The following B3GNT5 variants were observed in gnomAD, a reference collection of about 807,000 sequenced individuals.
B3GNT5 encodes the protein UDP-GlcNAc:betaGal beta-1,3-N-acetylglucosaminyltransferase 5.
A neutral mutation model predicts 25.9 loss-of-function variants in B3GNT5; 11 were observed. The observed-to-expected ratio is 0.42, with a 90% confidence interval of 0.27 to 0.70. B3GNT5 has a LOEUF of 0.70. Among genes scored for constraint, B3GNT5 ranks in the 30% least tolerant of loss-of-function variants. The probability of loss-of-function intolerance (pLI) is 0.23; values close to 1 mark genes in which losing one functional copy is unlikely to be tolerated. For missense variants in B3GNT5, 385 were observed against 458.4 expected (o/e 0.84, Z 1.46); for synonymous variants, 166 against 158.6 (o/e 1.05, Z -0.35).
intron 1 of B3GNT5, among the ~76,000 whole-genome samples, chr3:183,268,163 G>C (rs6795339): frequency 0.026 from 3,927 of 152,322 alleles, 176 homozygotes; most frequent in African/African-American, 0.087. Flanking sequence ...AAAGACCAGG[G>C]CATATGAAAT....
chr3:183,259,840 CAAG>C (rs781019956), intron 1 of B3GNT5, among the ~76,000 whole-genome samples: 25 of 152,070 alleles, frequency 1.6e-4, no homozygotes, highest in East Asian at 1.4e-3. Flanking sequence ...CTAGTGAGAC[CAAG>C]AAGAAGAAGG....
At chr3:183,263,755 T>G (rs1035511452) in intron 1 of B3GNT5, among the ~76,000 whole-genome samples, 3 of 152,168 alleles carry the variant, frequency 2.0e-5, no homozygotes, top group African/African-American at 7.2e-5. Context: ...AATCAAATAC[T>G]CCTTCACTCC....
In B3GNT5 at chr3:183,270,815, TA is replaced by T; in HGVS notation, c.1020del (p.Val341Ter). On this transcript the variant is annotated frameshift_variant, in exon 2 of 2. Coordinates refer to ENST00000326505, the MANE Select transcript of B3GNT5 (RefSeq NM_032047.5). LOFTEE classifies it low-confidence loss of function (END_TRUNC). This position sits in a 1 kb window ranked among gnomAD's most constrained non-coding sequence, Gnocchi z 4.5. The part of the protein sequence containing the change: ...QDLWKNATDP[K>X]VKTISKGFFG... ...ACCTTTGGAAGAATGCTACAGATCC[TA>T]AAGTAAAAACCATTTCCAAAGGTTT... 6.2e-7 allele frequency: 1 copy of T among 1,613,950 alleles called. No individual in the cohort carries two copies. The highest frequency in any genetic ancestry group is 1.3e-5 in the African/African-American group (1 of 75,042).
At chr3:183,265,518 T>G (rs1314741529) in intron 1 of B3GNT5, 2 of 152,290 alleles carry the variant, frequency 1.3e-5, no homozygotes, top group Non-Finnish European at 2.9e-5. Flanking sequence ...TGAGCGCCAG[T>G]TGTATGTGCG....
intron 1 of B3GNT5, chr3:183,265,608 G>A (rs1726030972): frequency 6.6e-6 from 1 of 152,268 alleles, no homozygotes; most frequent in Admixed American, 6.5e-5. Context: ...CGCAGGCCGG[G>A]GGAGGGCAGT....
intron 1 of B3GNT5, among the ~76,000 whole-genome samples, chr3:183,255,444 G>C (rs923299497): frequency 6.6e-6 from 1 of 152,180 alleles, no homozygotes; most frequent in Non-Finnish European, 1.5e-5. Flanking sequence ...TACTTAACCT[G>C]CTTGTCCTTC....
chr3:183,257,970 T>TC (rs1725207906), intron 1 of B3GNT5, among the ~76,000 whole-genome samples: 1 of 137,250 alleles, frequency 7.3e-6, no homozygotes, highest in Non-Finnish European at 1.6e-5. Context: ...TTTTTTTTTT[T>TC]TTTTTTTTTT....
chr3:183,259,697 C>T (rs1200201539), intron 1 of B3GNT5, among the ~76,000 whole-genome samples: 2 of 152,060 alleles, frequency 1.3e-5, no homozygotes, highest in Non-Finnish European at 2.9e-5. Context: ...TCCTTCCTTC[C>T]ACCCCACCTC....
At position 183,267,142 on chromosome 3, in the gene B3GNT5, C is replaced by A. The variant is rs1381709819; in HGVS notation, c.-301-2356C>A. On this transcript the variant is annotated intron_variant, in intron 1 of 1. Transcript: ENST00000326505. The surrounding 1 kb of genome is among the most constrained non-coding windows in gnomAD (Gnocchi z 5.5). ...ACATTTCCCATTACACCCCTGAACACACACACACAGAAAACCCAAAAGTTT... is the reference window on the plus strand; with the variant it reads ...ACATTTCCCATTACACCCCTGAACAAACACACACAGAAAACCCAAAAGTTT... Among the ~76,000 whole-genome samples, 1 of 152,152 alleles carries A rather than the reference C, an allele frequency of 6.6e-6. No individual in the cohort carries two copies. Among genetic ancestry groups the A allele is most frequent in the African/African-American group, 2.4e-5 (1 of 41,430 alleles).
intron 1 of B3GNT5, among the ~76,000 whole-genome samples, chr3:183,261,553 A>G (rs1276869062): frequency 2.0e-5 from 3 of 152,206 alleles, no homozygotes; most frequent in Non-Finnish European, 2.9e-5. Context: ...TATATAGTCT[A>G]CTTTCTAAGC....
In B3GNT5 at chr3:183,270,941, C is replaced by T. The variant is rs753690544; in HGVS notation, c.*6C>T. The T allele has an allele frequency of 3.9e-6, 6 of 1,548,292 alleles. No individual in the cohort carries two copies. In the Admixed American group the frequency reaches 8.4e-5, roughly 22 times the overall value. On this transcript the variant is annotated 3_prime_UTR_variant, in exon 2 of 2. Transcript: ENST00000326505. This position sits in a 1 kb window ranked among gnomAD's most constrained non-coding sequence, Gnocchi z 4.5. ...GTAGGGCTGCGTTTATCTAATAGTA[C>T]TTGAATGTTGTATGTTTTCACTGTC...
In B3GNT5 at chr3:183,270,513, G is replaced by A. The variant is rs772844252; in HGVS notation, c.715G>A (p.Val239Met). Residue 239 changes from valine (V) to methionine (M), a missense_variant, in exon 2 of 2, where the codon GTG (valine) becomes ATG (methionine). By Grantham distance (21) the Val-to-Met change is conservative. Transcript: ENST00000326505. This position sits in a 1 kb window ranked among gnomAD's most constrained non-coding sequence, Gnocchi z 4.5. The stretch of plus-strand genomic sequence containing the variant: ...TAGAGATAAAAGCAGCAAATACTAC[G>A]TGTCCTATGAAATGTACCAGTGGCC... ...PIRDKSSKYY[V>M]SYEMYQWPAY... 53 of 1,613,994 alleles carry A rather than the reference G, an allele frequency of 3.3e-5. No individual in the cohort carries two copies. Among genetic ancestry groups the A allele is most frequent in the East Asian group, 6.7e-5 (3 of 44,894 alleles).
In B3GNT5 at chr3:183,269,811, G is replaced by C. The variant is rs201783658; in HGVS notation, c.13G>C (p.Val5Leu). Residue 5 changes from valine (V) to leucine (L), a missense_variant, in exon 2 of 2, where the codon GTT (valine) becomes CTT (leucine). By Grantham distance (32) the Val-to-Leu change is conservative. Coordinates refer to ENST00000326505, the MANE Select transcript of B3GNT5 (RefSeq NM_032047.5). Reference protein sequence around the residue: MRMLVSGRRVKKWQL... With the variant: MRMLLSGRRVKKWQL... ...GACTTGAGTGGATATGAGAATGTTGGTTAGTGGCAGAAGAGTCAAAAAATG... is the reference window on the plus strand; with the variant it reads ...GACTTGAGTGGATATGAGAATGTTGCTTAGTGGCAGAAGAGTCAAAAAATG... 4.5e-5 allele frequency: 73 copies of C among 1,605,794 alleles called. No homozygotes were observed. The highest frequency in any genetic ancestry group is 2.0e-4 in the Admixed American group (12 of 59,266).
intron 1 of B3GNT5, among the ~76,000 whole-genome samples, chr3:183,257,110 C>G (rs1725112211): frequency 6.6e-6 from 1 of 152,126 alleles, no homozygotes; most frequent in South Asian, 2.1e-4. Context: ...TAAAGCTACA[C>G]AAACAGATTC....
intron 1 of B3GNT5, among the ~76,000 whole-genome samples, chr3:183,266,745 G>C (rs186754787): frequency 6.6e-6 from 1 of 152,192 alleles, no homozygotes; most frequent in Admixed American, 6.5e-5. Context: ...TGTCCAAAGG[G>C]GGAAATTACT....
Position 183,273,032 on chromosome 3 carries a change from C to T in B3GNT5, c.*2097C>T. 6.7e-7 allele frequency: 1 copy of T among 1,488,022 alleles called. No homozygotes were observed. The highest frequency in any genetic ancestry group is 1.4e-5 in the South Asian group (1 of 72,758). The allele number at this position is 1,488,022 out of a possible 1,614,324, so 92.2% of individuals were successfully genotyped here. A position where few individuals can be genotyped will look rare whatever the true frequency, so the allele number is the denominator to read the frequency against. On this transcript the variant is annotated 3_prime_UTR_variant, in exon 2 of 2. Transcript: ENST00000326505. The stretch of plus-strand genomic sequence containing the variant: ...GAAGGAAGTTGCTAGATGATTCCTT[C>T]ATCACACTTACTTAAAGTACTGAGA...
chr3:183,269,828 C>A lies in B3GNT5; in HGVS notation c.30C>A (p.Val10=), dbSNP rs967005052. ...GAATGTTGGTTAGTGGCAGAAGAGT[C>A]AAAAAATGGCAGTTAATTATTCAGT... The part of the protein sequence containing the change: MRMLVSGRR[V]KKWQLIIQLF... Residue 10 remains valine, a synonymous_variant, in exon 2 of 2, where the codon GTC becomes GTA. Transcript: ENST00000326505. 5 of 1,610,484 alleles carry A rather than the reference C, an allele frequency of 3.1e-6. No homozygotes were observed. Among genetic ancestry groups the A allele is most frequent in the African/African-American group, 1.3e-5 (1 of 74,760 alleles).
At chr3:183,255,975 C>A (rs1238096918) in intron 1 of B3GNT5, among the ~76,000 whole-genome samples, 1 of 152,084 alleles carries the variant, frequency 6.6e-6, no homozygotes, top group Non-Finnish European at 1.5e-5. Context: ...CTTTCTGAGG[C>A]CCAATTGCAC....
At chr3:183,255,805 T>C (rs574701215) in intron 1 of B3GNT5, among the ~76,000 whole-genome samples, 123 of 144,876 alleles carry the variant, frequency 8.5e-4, no homozygotes, top group Admixed American at 2.1e-3. Context: ...ATGGTGAGAT[T>C]GTAAAAAAAA....
Sources: gnomAD v4.1 joint callset for allele counts (sites outside exome capture counted in the v4.1 genomes callset) on GRCh38, gnomAD v4.1.1 for gene constraint, Gnocchi (gnomAD v3.1) non-coding constraint, MANE v1.5 for transcripts, NCBI Gene and HGNC (gene_info 2026-07-23, HGNC 2026-07-21) for gene names.